RFTN1: variants seen among roughly 807,000 people sequenced by gnomAD.
RFTN1 encodes the protein raftlin.
RFTN1 carries 26 observed loss-of-function variants against 46.5 expected under a neutral mutation model. The observed-to-expected ratio is 0.56, with a 90% confidence interval of 0.41 to 0.78. The LOEUF is 0.78. Ranked by LOEUF, RFTN1 falls within the 30% of genes least tolerant of loss-of-function variation. The pLI is 0.00. For missense variants in RFTN1, 693 were observed against 718.7 expected (o/e 0.96, Z 0.41); for synonymous variants, 261 against 284.2 (o/e 0.92, Z 0.82).
In RFTN1 at chr3:16,481,562, G is replaced by T. The variant is rs942249800; in HGVS notation, c.145+12163C>A. On this transcript the variant is annotated intron_variant, in intron 2 of 9. Transcript: ENST00000334133. The surrounding 1 kb of genome is among the most constrained non-coding windows in gnomAD (Gnocchi z 5.1). ...AACCGGAAACAAAAATGAAACACAAGTAGGAAGTTAAATAACTTCACTGCA... is the reference window on the plus strand; with the variant it reads ...AACCGGAAACAAAAATGAAACACAATTAGGAAGTTAAATAACTTCACTGCA... Among the ~76,000 whole-genome samples, 2 of 152,098 alleles carry T rather than the reference G, an allele frequency of 1.3e-5. No individual in the cohort carries two copies. The highest frequency in any genetic ancestry group is 4.8e-5 in the African/African-American group (2 of 41,424).
intron 6 of RFTN1, among the ~76,000 whole-genome samples, chr3:16,362,066 A>C (rs2072866163): frequency 6.6e-6 from 1 of 152,252 alleles, no homozygotes; most frequent in Non-Finnish European, 1.5e-5. Context: ...CCTAAAAACA[A>C]GACCACTGTA....
Position 16,407,314 on chromosome 3 carries a change from C to G in RFTN1, c.441+2061G>C, listed in dbSNP as rs1681286250. 6.6e-6 allele frequency among the ~76,000 whole-genome samples: 1 copy of G among 152,004 alleles called. No homozygotes were observed. The highest frequency in any genetic ancestry group is 1.5e-5 in the Non-Finnish European group (1 of 68,008). On this transcript the variant is annotated intron_variant, in intron 4 of 9. Coordinates refer to ENST00000334133, the MANE Select transcript of RFTN1 (RefSeq NM_015150.2). The surrounding 1 kb of genome is among the most constrained non-coding windows in gnomAD (Gnocchi z 4.0). ...TCTCTCGCCTCAGCCTCTAGAGTAG[C>G]TAGGACTATAGTCAAGCACCACCAT...
intron 8 of RFTN1, among the ~76,000 whole-genome samples, chr3:16,326,351 G>T (rs550419113): frequency 4.1e-4 from 63 of 152,346 alleles, no homozygotes; most frequent in African/African-American, 1.3e-3. Flanking sequence ...TTCCTCAGCT[G>T]CAAAATGGGT....
At chr3:16,438,585 C>CAAAAAAAAA (rs61019061) in intron 2 of RFTN1, among the ~76,000 whole-genome samples, 42 of 30,466 alleles carry the variant, frequency 1.4e-3, no homozygotes, top group Non-Finnish European at 1.8e-3. Context: ...AACTCTGTCT[C>CAAAAAAAAA]AAAAAAAAAA....
intron 2 of RFTN1, among the ~76,000 whole-genome samples, chr3:16,478,356 G>A (rs2076316389): frequency 6.6e-6 from 1 of 152,168 alleles, no homozygotes; most frequent in Non-Finnish European, 1.5e-5. Flanking sequence ...TAAGGAAACT[G>A]AGGCACAGAG....
intron 3 of RFTN1, among the ~76,000 whole-genome samples, chr3:16,432,673 CA>C (rs2075413153): frequency 6.7e-6 from 1 of 149,198 alleles, no homozygotes; most frequent in African/African-American, 2.5e-5. Context: ...CTTGTTTCTA[CA>C]GAAAAAAAAA....
chr3:16,476,463 G>A (rs994352560), intron 2 of RFTN1, among the ~76,000 whole-genome samples: 5 of 152,124 alleles, frequency 3.3e-5, no homozygotes, highest in African/African-American at 1.2e-4. Context: ...TCAGATGATC[G>A]TAAGTTCCAC....
rs1381156950 is a variant in RFTN1, at chr3:16,418,650, G to C, written c.333-9167C>G. 6.7e-6 allele frequency among the ~76,000 whole-genome samples: 1 copy of C among 149,930 alleles called. No individual in the cohort carries two copies. The highest frequency in any genetic ancestry group is 1.5e-5 in the Non-Finnish European group (1 of 67,712). On this transcript the variant is annotated intron_variant, in intron 3 of 9. Coordinates refer to ENST00000334133, the MANE Select transcript of RFTN1 (RefSeq NM_015150.2). This position sits in a 1 kb window ranked among gnomAD's most constrained non-coding sequence, Gnocchi z 5.0. ...TTTTTGTTTCCCAAAGCAACACCAA[G>C]CTCAAATAGAATAATCAGAACAGCT... is the stretch of plus-strand genomic sequence containing the variant.
intron 4 of RFTN1, among the ~76,000 whole-genome samples, chr3:16,378,866 C>G (rs2073883223): frequency 6.6e-6 from 1 of 152,202 alleles, no homozygotes; most frequent in African/African-American, 2.4e-5. Flanking sequence ...GATGAACACC[C>G]ACCTGCAGTA....
chr3:16,353,684 A>G lies in RFTN1; in HGVS notation c.1146+4248T>C, dbSNP rs115955012. ...AGTAATTAAGGTTAAATGAAGTCAT[A>G]CGCATGGGACCCTGATTGAACAGGA... On this transcript the variant is annotated intron_variant, in intron 7 of 9. Transcript: ENST00000334133. The surrounding 1 kb of genome is among the most constrained non-coding windows in gnomAD (Gnocchi z 5.4). Among the ~76,000 whole-genome samples, 365 of 152,322 alleles carry G rather than the reference A, an allele frequency of 2.4e-3. 1 individual carries two copies. The highest frequency in any genetic ancestry group is 8.5e-3 in the African/African-American group (353 of 41,572).
rs1208237414 is a variant in RFTN1, at chr3:16,458,721, A to G, written c.146-24684T>C. Among the ~76,000 whole-genome samples the G allele has an allele frequency of 6.6e-6, 1 of 152,220 alleles. No homozygotes were observed. The highest frequency in any genetic ancestry group is 1.9e-4 in the East Asian group (1 of 5,200). On this transcript the variant is annotated intron_variant, in intron 2 of 9. Coordinates refer to ENST00000334133, the MANE Select transcript of RFTN1 (RefSeq NM_015150.2). The surrounding 1 kb of genome is among the most constrained non-coding windows in gnomAD (Gnocchi z 5.1). The stretch of plus-strand genomic sequence containing the variant: ...CCACAAAACAGCAAGAAGCCAAATA[A>G]TTCTCAAAACCATAATGCTTTCCAT...
intron 4 of RFTN1, among the ~76,000 whole-genome samples, chr3:16,403,641 AAT>A (rs545389476): frequency 0.029 from 1,116 of 39,040 alleles, 270 homozygotes; most frequent in Non-Finnish European, 0.046. Context: ...TATAATATAT[AAT>A]ATATATATAA....
chr3:16,334,113 C>T lies in RFTN1; in HGVS notation c.1147-7237G>A, dbSNP rs563807977. Among the ~76,000 whole-genome samples the T allele has an allele frequency of 3.2e-4, 48 of 152,112 alleles. No homozygotes were observed. Among genetic ancestry groups the T allele is most frequent in the African/African-American group, 9.4e-4 (39 of 41,504 alleles). ...CTAGGAGGCAGAAGCTGCAGTGAGC[C>T]GAGATCGTGCCACTGCACTCCAGCC... On this transcript the variant is annotated intron_variant, in intron 7 of 9. Transcript: ENST00000334133. This position sits in a 1 kb window ranked among gnomAD's most constrained non-coding sequence, Gnocchi z 4.3.
At chr3:16,415,413 A>G (rs2075054354) in intron 3 of RFTN1, among the ~76,000 whole-genome samples, 1 of 141,548 alleles carries the variant, frequency 7.1e-6, no homozygotes, top group Non-Finnish European at 1.6e-5. Flanking sequence ...AGTTGAGTAT[A>G]TATATATATA....
intron 4 of RFTN1, among the ~76,000 whole-genome samples, chr3:16,393,399 CAG>C (rs1203791099): frequency 6.6e-6 from 1 of 152,160 alleles, no homozygotes; most frequent in African/African-American, 2.4e-5. Flanking sequence ...GCACATAAGA[CAG>C]AAAGTGAAAT....
At chr3:16,324,580 C>G (rs1296245986) in intron 8 of RFTN1, among the ~76,000 whole-genome samples, 2 of 149,094 alleles carry the variant, frequency 1.3e-5, no homozygotes, top group African/African-American at 5.0e-5. Context: ...GTCTTCCAGG[C>G]TCATCCTTGT....
At chr3:16,471,885 G>GA (rs1414581064) in intron 2 of RFTN1, 1 of 152,168 alleles carries the variant, frequency 6.6e-6, no homozygotes, top group Non-Finnish European at 1.5e-5. Flanking sequence ...AGGTGACCCT[G>GA]AAAATTTTAC....
rs557744810 is a variant in RFTN1 at position 16,492,326 on chromosome 3, G to C, written c.145+1399C>G. ...GCAGAAAGAGTAGTCAAGGAGGAGGGGAGGAAGAGAAACACCTGCAGACCC... is the reference window on the plus strand; with the variant it reads ...GCAGAAAGAGTAGTCAAGGAGGAGGCGAGGAAGAGAAACACCTGCAGACCC... On this transcript the variant is annotated intron_variant, in intron 2 of 9. Coordinates refer to ENST00000334133, the MANE Select transcript of RFTN1 (RefSeq NM_015150.2). Among the ~76,000 whole-genome samples, 8 of 152,284 alleles carry C rather than the reference G, an allele frequency of 5.3e-5. No homozygotes were observed. The South Asian group carries it at 1.7e-3, about 32-fold the overall frequency.
intron 6 of RFTN1, among the ~76,000 whole-genome samples, chr3:16,360,692 C>T (rs1031365720): frequency 6.6e-6 from 1 of 152,194 alleles, no homozygotes; most frequent in East Asian, 1.9e-4. Flanking sequence ...TACCCATCTA[C>T]AAGCATTACT....
Sources: allele counts gnomAD v4.1 joint callset (sites outside exome capture counted in the v4.1 genomes callset), GRCh38; gene constraint gnomAD v4.1.1; non-coding constraint Gnocchi (gnomAD v3.1); transcripts MANE v1.5; gene names NCBI Gene and HGNC (gene_info 2026-07-23, HGNC 2026-07-21).